The following SLF1 variants were observed in gnomAD, a reference collection of about 807,000 sequenced individuals.
SLF1 encodes the protein SMC5-SMC6 complex localization factor protein 1.
A neutral mutation model predicts 123.0 loss-of-function variants in SLF1; 105 were observed. That is an observed-to-expected ratio of 0.85 (90% confidence interval 0.73 to 1.00). The LOEUF (loss-of-function observed/expected upper bound fraction) is 1.00. Among genes scored for constraint, SLF1 ranks in the 50% least tolerant of loss-of-function variants. The pLI is 0.00. For missense variants in SLF1, 1,239 were observed against 1,223.0 expected (o/e 1.01, Z -0.20); for synonymous variants, 434 against 406.6 (o/e 1.07, Z -0.81).
chr5:94,676,971 T>G (rs1255572233), intron 14 of SLF1, among the ~76,000 whole-genome samples: 1 of 152,120 alleles, frequency 6.6e-6, no homozygotes, highest in East Asian at 1.9e-4. Context: ...GGGTTCAGAG[T>G]GCTAGGGATT....
intron 14 of SLF1, among the ~76,000 whole-genome samples, chr5:94,676,588 C>G (rs1044219710): frequency 2.0e-5 from 3 of 152,248 alleles, no homozygotes; most frequent in African/African-American, 7.2e-5. Context: ...ACACCACTTT[C>G]TTAATCATGC....
Position 94,694,952 on chromosome 5 carries a change from T to A in SLF1, c.2817T>A (p.Phe939Leu). The change falls in exon 21 of 21, where the codon TTT becomes TTA. Residue 939 changes from phenylalanine to leucine, a missense_variant. Physicochemically the swap from Phe to Leu is conservative, Grantham distance 22. Coordinates refer to ENST00000265140, the MANE Select transcript of SLF1 (RefSeq NM_032290.4). ...ITKIEDTVEN[F>L]HAQAEKHFHY... ...AAATAGAAGATACAGTGGAGAACTT[T>A]CATGCACAAGCAGAGAAACATTTTC... 6.2e-7 allele frequency: 1 copy of A among 1,612,648 alleles called. No homozygotes were observed. The highest frequency in any genetic ancestry group is 2.2e-5 in the East Asian group (1 of 44,822).
rs1753518850 is a variant in SLF1 at position 94,696,506 on chromosome 5, A to G, written c.*1194A>G. ...CTATTTAGCCTTCAAATTTGGCATC[A>G]TACAAATCTCTTTATTATTAATCTG... is the stretch of plus-strand genomic sequence containing the variant. On this transcript the variant is annotated 3_prime_UTR_variant, in exon 21 of 21. Coordinates refer to ENST00000265140, the MANE Select transcript of SLF1 (RefSeq NM_032290.4). 1 of 151,878 alleles carries G rather than the reference A, an allele frequency of 6.6e-6. No individual in the cohort carries two copies. The highest frequency in any genetic ancestry group is 6.6e-5 in the Admixed American group (1 of 15,206). The allele number at this position is 151,878 out of a possible 1,614,324, so 9.4% of individuals were successfully genotyped here. A position where few individuals can be genotyped will look rare whatever the true frequency, so the allele number is the denominator to read the frequency against.
chr5:94,670,906 T>A lies in SLF1; in HGVS notation c.1725T>A (p.Ile575=). The change falls in exon 14 of 21, where the codon ATT becomes ATA. Residue 575 remains isoleucine, a synonymous_variant. Coordinates refer to ENST00000265140, the MANE Select transcript of SLF1 (RefSeq NM_032290.4). ...CAGGAAAGGCAATGCTTCTTGAAAT[T>A]TTTTGGTCAGGAAGTGAAACCTCTG... ...KITGKAMLLE[I]FWSGSETSGL... is the part of the protein sequence containing the mutation. 6.5e-7 allele frequency: 1 copy of A among 1,550,372 alleles called. No individual in the cohort carries two copies. The highest frequency in any genetic ancestry group is 1.2e-5 in the South Asian group (1 of 83,986).
At chr5:94,659,850 G>A (rs1368386411) in intron 9 of SLF1, among the ~76,000 whole-genome samples, 9 of 152,174 alleles carry the variant, frequency 5.9e-5, no homozygotes. Context: ...AGTGGGATGA[G>A]TGGGTCCTCA....
rs1350539268 is a variant in SLF1, at chr5:94,695,035, G to T, written c.2900G>T (p.Cys967Phe). 1.2e-6 allele frequency: 2 copies of T among 1,612,138 alleles called. No individual in the cohort carries two copies. Among genetic ancestry groups the T allele is most frequent in the Middle Eastern group, 1.7e-4 (1 of 6,050 alleles). Reference protein sequence around the residue: ...FLLSRMLLNFCSIFDLSSEFI... With the variant: ...FLLSRMLLNFFSIFDLSSEFI... ...CTTAGTAGGATGTTGCTAAATTTTT[G>T]TTCAATTTTTGATTTATCTTCAGAG... The change falls in exon 21 of 21, where the codon TGT becomes TTT. Residue 967 changes from cysteine to phenylalanine, a missense_variant. By Grantham distance (205) the Cys-to-Phe change is radical (BLOSUM62 -2). Coordinates refer to ENST00000265140, the MANE Select transcript of SLF1 (RefSeq NM_032290.4).
intron 3 of SLF1, chr5:94,629,534 T>C (rs1270375376): frequency 6.0e-6 from 1 of 165,532 alleles, no homozygotes; most frequent in African/African-American, 2.4e-5. Flanking sequence ...CAGGCAGTGC[T>C]TTTGTTCTCT....
chr5:94,673,323 T>C (rs564919715), intron 14 of SLF1, among the ~76,000 whole-genome samples: 19 of 152,264 alleles, frequency 1.2e-4, no homozygotes, highest in Admixed American at 1.1e-3. Flanking sequence ...CTCTTTTTTT[T>C]CTGAAATGTT....
intron 10 of SLF1, among the ~76,000 whole-genome samples, chr5:94,662,983 GT>G (rs921679453): frequency 4.6e-5 from 7 of 152,196 alleles, no homozygotes; most frequent in African/African-American, 1.4e-4. Flanking sequence ...CAACCTCAGA[GT>G]GATTTTATGA....
intron 4 of SLF1, among the ~76,000 whole-genome samples, chr5:94,638,280 G>A (rs550981619): frequency 7.9e-5 from 12 of 152,178 alleles, no homozygotes; most frequent in Non-Finnish European, 1.5e-4. Flanking sequence ...CCGGGTTCAC[G>A]CCATTCTCTT....
intron 18 of SLF1, among the ~76,000 whole-genome samples, chr5:94,690,512 G>C (rs1181142219): frequency 6.6e-6 from 1 of 152,130 alleles, no homozygotes; most frequent in African/African-American, 2.4e-5. Context: ...GAATATGAAT[G>C]ATTTTAGGCA....
intron 15 of SLF1, among the ~76,000 whole-genome samples, chr5:94,684,559 G>A (rs769220968): frequency 5.3e-5 from 8 of 151,850 alleles, no homozygotes; most frequent in South Asian, 2.1e-4. Flanking sequence ...TTAGCTGGGC[G>A]TGGTGGCGAG....
In SLF1 at chr5:94,647,818, A is replaced by G. The variant is rs545026555; in HGVS notation, c.595-1636A>G. Among the ~76,000 whole-genome samples, 175 of 152,368 alleles carry G rather than the reference A, an allele frequency of 1.1e-3. 1 individual carries two copies. The highest frequency in any genetic ancestry group is 6.8e-3 in the Middle Eastern group (2 of 294). ...ATAGATAATAGATTATTCAATTTCA[A>G]AACTTTCAAATGTTATACCTTCTGT... On this transcript the variant is annotated intron_variant, in intron 5 of 20. Coordinates refer to ENST00000265140, the MANE Select transcript of SLF1 (RefSeq NM_032290.4).
chr5:94,675,904 A>ATTTTTTTTTTTTTTTTTTTTTTTT lies in SLF1; in HGVS notation c.1828-2882_1828-2881insTTTTTTTTTTTTTTTTTTTTTTTT, dbSNP rs70978120. Among the ~76,000 whole-genome samples, 7 of 121,714 alleles carry ATTTTTTTTTTTTTTTTTTTTTTTT rather than the reference A, an allele frequency of 5.8e-5. 1 individual carries two copies. Among genetic ancestry groups the ATTTTTTTTTTTTTTTTTTTTTTTT allele is most frequent in the Non-Finnish European group, 1.0e-4 (6 of 59,256 alleles). The allele number at this position is 121,714 out of a possible 152,430, so 79.8% of individuals were successfully genotyped here. ...AAGGAGGGAAAGTCCCAACTGGTTG[A>ATTTTTTTTTTTTTTTTTTTTTTTT]TTTTTTTTTTTTTTTTTTTTTTAAA... is the stretch of plus-strand genomic sequence containing the variant. On this transcript the variant is annotated intron_variant, in intron 14 of 20. Coordinates refer to ENST00000265140, the MANE Select transcript of SLF1 (RefSeq NM_032290.4).
intron 14 of SLF1, among the ~76,000 whole-genome samples, chr5:94,671,454 C>T (rs766901369): frequency 6.6e-6 from 1 of 151,526 alleles, no homozygotes; most frequent in Non-Finnish European, 1.5e-5. Context: ...TTTTGCCTGT[C>T]ATTAGAAATT....
chr5:94,630,608 G>A lies in SLF1; in HGVS notation c.296G>A (p.Arg99His), dbSNP rs760752268. ...GGATATAAAATTGAAAAAGATTCCC[G>A]TTATTCACCTCAAATGCAATCTGCA... is the stretch of plus-strand genomic sequence containing the variant. The part of the protein sequence containing the change: ...EWGYKIEKDS[R>H]YSPQMQSAPK... Residue 99 changes from arginine (R) to histidine (H), a missense_variant, in exon 4 of 21, where the codon CGT becomes CAT. Arg to His is a conservative substitution (Grantham distance 29, BLOSUM62 0). Transcript: ENST00000265140. 25 of 1,551,512 alleles carry A rather than the reference G, an allele frequency of 1.6e-5. No individual in the cohort carries two copies. The highest frequency in any genetic ancestry group is 2.0e-5 in the Admixed American group (1 of 50,984).
At chr5:94,690,255 T>G (rs1424842735) in intron 18 of SLF1, among the ~76,000 whole-genome samples, 1 of 152,178 alleles carries the variant, frequency 6.6e-6, no homozygotes, top group Non-Finnish European at 1.5e-5. Flanking sequence ...CTGAGTCTTT[T>G]TTGTTGTTGT....
At chr5:94,636,873 A>G (rs1298910811) in intron 4 of SLF1, among the ~76,000 whole-genome samples, 1 of 151,804 alleles carries the variant, frequency 6.6e-6, no homozygotes, top group Admixed American at 6.6e-5. Context: ...ACCTGCCACC[A>G]TGCCTGGCTA....
intron 4 of SLF1, among the ~76,000 whole-genome samples, chr5:94,639,257 C>T (rs1465369284): frequency 6.6e-6 from 1 of 152,046 alleles, no homozygotes; most frequent in African/African-American, 2.4e-5. Context: ...CCAGGCTGGT[C>T]TCGAACTTCT....
Sources: gnomAD v4.1 joint callset for allele counts (sites outside exome capture counted in the v4.1 genomes callset) on GRCh38, gnomAD v4.1.1 for gene constraint, MANE v1.5 for transcripts, NCBI Gene and HGNC (gene_info 2026-07-23, HGNC 2026-07-21) for gene names.